The following LRP1 variants were observed in gnomAD, a reference collection of about 807,000 sequenced individuals.
LRP1 encodes prolow-density lipoprotein receptor-related protein 1.
In LRP1, 51 loss-of-function variants were observed where a neutral mutation model predicts 541.5. That is an observed-to-expected ratio of 0.09 (90% CI 0.08 to 0.12). The LOEUF (loss-of-function observed/expected upper bound fraction) is 0.12. Among genes scored for constraint, LRP1 ranks in the 10% least tolerant of loss-of-function variants. LRP1 has a pLI of 1.00. For synonymous variants in LRP1, 2,219 were observed against 2,470.8 expected, an observed-to-expected ratio of 0.90 and a Z score of 3.02; for missense variants, 3,878 against 6,376.2, an observed-to-expected ratio of 0.61 and a Z score of 13.34.
chr12:57,176,135 G>T lies in LRP1; in HGVS notation c.3991+29G>T, dbSNP rs775347756. 8 of 1,611,540 alleles carry T rather than the reference G, an allele frequency of 5.0e-6. 1 individual carries two copies. The South Asian group carries it at 8.8e-5, about 18-fold the overall frequency. On this transcript the variant is annotated intron_variant, in intron 24 of 88. Coordinates refer to ENST00000243077, the MANE Select transcript of LRP1 (RefSeq NM_002332.3). ...ACCACCGATTGCTGCCAGGCAGGAT[G>T]CACACAGGCGGAGCGCTCAGGCGCT...
At chr12:57,182,544 G>A (rs1215824361) in intron 34 of LRP1, among the ~76,000 whole-genome samples, 1 of 148,802 alleles carries the variant, frequency 6.7e-6, no homozygotes, top group East Asian at 2.0e-4. Flanking sequence ...AGAGCCAGGT[G>A]CGTGGCTCAT....
rs1265706424 is a variant in LRP1 at position 57,195,696 on chromosome 12, C to G, written c.8476C>G (p.Gln2826Glu). 2 of 1,614,014 alleles carry G rather than the reference C, an allele frequency of 1.2e-6. No individual in the cohort carries two copies. The highest frequency in any genetic ancestry group is 2.7e-5 in the African/African-American group (2 of 74,910). ...STCDDREFMCQNRQCIPKHFV... is the reference protein window; with the variant it reads ...STCDDREFMCENRQCIPKHFV... ...TTGTGACGACCGTGAGTTCATGTGC[C>G]AGAACCGCCAGTGCATCCCCAAGCA... Residue 2826 changes from glutamine to glutamate, a missense_variant, in exon 53 of 89, where the codon CAG (glutamine) becomes GAG (glutamate). Gln to Glu is a conservative substitution (Grantham distance 29, BLOSUM62 2). Around this residue, in one of 13 missense-constraint regions of LRP1, gnomAD observed 1,100 missense variants for 1,827.4 expected, o/e 0.60. Coordinates refer to ENST00000243077, the MANE Select transcript of LRP1 (RefSeq NM_002332.3).
chr12:57,171,820 G>GCTC (rs1052028706), intron 20 of LRP1, among the ~76,000 whole-genome samples: 2 of 152,116 alleles, frequency 1.3e-5, no homozygotes, highest in Non-Finnish European at 2.9e-5. Flanking sequence ...ACCAGGCAGT[G>GCTC]CTCCTGCTCC....
intron 22 of LRP1, 62 bp from the exon 23 acceptor site, chr12:57,175,398 C>T (rs1014445190): frequency 5.8e-5 from 92 of 1,598,980 alleles, no homozygotes; most frequent in South Asian, 3.9e-4. Context: ...CCAGCAGGGC[C>T]GTGGTCTTGC....
Position 57,184,558 on chromosome 12 carries a change from A to T in LRP1, c.6186+106A>T. 1 of 1,486,494 alleles carries T rather than the reference A, an allele frequency of 6.7e-7. No homozygotes were observed. The highest frequency in any genetic ancestry group is 1.3e-5 in the South Asian group (1 of 77,696). 92.1% of individuals were successfully genotyped at this position (1,486,494 alleles called of 1,614,324 possible). A position where few individuals can be genotyped will look rare whatever the true frequency, so the allele number is the denominator to read the frequency against. On this transcript the variant is annotated intron_variant, in intron 38 of 88. Transcript: ENST00000243077. The surrounding 1 kb of genome is among the most constrained non-coding windows in gnomAD (Gnocchi z 7.8). ...GAGGACTTGGAGCCCAGGGGAAGTC[A>T]CAGGGTCTCCCAGCCCAGCCCTCCA... is the stretch of plus-strand genomic sequence containing the variant.
chr12:57,165,684 A>C lies in LRP1; in HGVS notation c.2531-121A>C. 1.0e-6 allele frequency: 1 copy of C among 981,170 alleles called. No homozygotes were observed. Among genetic ancestry groups the C allele is most frequent in the Non-Finnish European group, 1.5e-6 (1 of 669,076 alleles). The allele number at this position is 981,170 out of a possible 1,614,324, so 60.8% of individuals were successfully genotyped here. On this transcript the variant is annotated intron_variant, in intron 15 of 88. Coordinates refer to ENST00000243077, the MANE Select transcript of LRP1 (RefSeq NM_002332.3). This position sits in a 1 kb window ranked among gnomAD's most constrained non-coding sequence, Gnocchi z 4.5. The stretch of plus-strand genomic sequence containing the variant: ...TTTGTTTCATGAGGAATTTTGTACT[A>C]GAAAAAATTACTTTGTATTATTAAA...
At position 57,180,449 on chromosome 12, in the gene LRP1, C is replaced by T. The variant is rs2036140647; in HGVS notation, c.5356C>T (p.Leu1786=). Residue 1786 remains leucine, a synonymous_variant, in exon 32 of 89, where the codon CTG becomes TTG. Coordinates refer to ENST00000243077, the MANE Select transcript of LRP1 (RefSeq NM_002332.3). The stretch of plus-strand genomic sequence containing the variant: ...GGTCATCGATGCCATGCGGAGCCAG[C>T]TGGGCAAGGCCACCGCCCTGGCCAT... ...LEVIDAMRSQ[L]GKATALAIMG... is the part of the protein sequence containing the mutation. 1 of 1,613,990 alleles carries T rather than the reference C, an allele frequency of 6.2e-7. No homozygotes were observed.
chr12:57,185,331 GC>G lies in LRP1; in HGVS notation c.6463+129del. On this transcript the variant is annotated intron_variant, in intron 40 of 88. Coordinates refer to ENST00000243077, the MANE Select transcript of LRP1 (RefSeq NM_002332.3). The surrounding 1 kb of genome is among the most constrained non-coding windows in gnomAD (Gnocchi z 4.9). ...TAGACCCATGGGGCAACTTCCGATGGCCCGAGAGACCCAGGGATGGGGAGGA... is the reference window on the plus strand; with the variant it reads ...TAGACCCATGGGGCAACTTCCGATGGCCGAGAGACCCAGGGATGGGGAGGA... 1 of 1,422,166 alleles carries G rather than the reference GC, an allele frequency of 7.0e-7. No individual in the cohort carries two copies. The highest frequency in any genetic ancestry group is 9.6e-7 in the Non-Finnish European group (1 of 1,045,800). 88.1% of individuals were successfully genotyped at this position (1,422,166 alleles called of 1,614,324 possible). A position where few individuals can be genotyped will look rare whatever the true frequency, so the allele number is the denominator to read the frequency against.
Position 57,193,160 on chromosome 12 carries a change from C to T in LRP1, c.7556-16C>T. 1.9e-6 allele frequency: 3 copies of T among 1,613,216 alleles called. No homozygotes were observed. The highest frequency in any genetic ancestry group is 2.5e-6 in the Non-Finnish European group (3 of 1,179,488). The stretch of plus-strand genomic sequence containing the variant: ...ACAGCGCTGGCTCAGAAAGCTCCCT[C>T]CACCTCCCTCCCCAGCGGTGAATTC... On this transcript the variant is annotated splice_polypyrimidine_tract_variant and intron_variant, in intron 45 of 88. Transcript: ENST00000243077.
rs7308698 is a variant in LRP1, at chr12:57,197,086, T to C, written c.8997T>C (p.Thr2999=). The change falls in exon 56 of 89, where the codon ACT becomes ACC. Residue 2999 remains threonine (T), a synonymous_variant. Transcript: ENST00000243077. The surrounding 1 kb of genome is among the most constrained non-coding windows in gnomAD (Gnocchi z 4.5). ...TFPCSQRCIN[T]HGSYKCLCVE... is the part of the protein sequence containing the mutation. The stretch of plus-strand genomic sequence containing the variant: ...CCTGCAGCCAGCGCTGCATCAACAC[T>C]CATGGCAGCTATAAGTGTCTGTGTG... 1,609,728 of 1,614,124 alleles carry C rather than the reference T, an allele frequency of 1. 802,771 individuals carry two copies. Among genetic ancestry groups the C allele is most frequent in the East Asian group, 1 (44,878 of 44,880 alleles).
Position 57,199,155 on chromosome 12 carries a change from C to T in LRP1, c.9677-57C>T, listed in dbSNP as rs1432906592. On this transcript the variant is annotated intron_variant, in intron 60 of 88. Coordinates refer to ENST00000243077, the MANE Select transcript of LRP1 (RefSeq NM_002332.3). The stretch of plus-strand genomic sequence containing the variant: ...TAGGGCTTGAGGAGGTGGAGTGGGC[C>T]GGCACCCTGTCCGAGCTCCGGCTGA... 5.8e-6 allele frequency: 9 copies of T among 1,553,468 alleles called. No individual in the cohort carries two copies. In the East Asian group the frequency reaches 1.1e-4, roughly 19 times the overall value.
At chr12:57,142,241 G>A (rs2035308397) in intron 3 of LRP1, among the ~76,000 whole-genome samples, 1 of 152,244 alleles carries the variant, frequency 6.6e-6, no homozygotes, top group East Asian at 1.9e-4. Flanking sequence ...CTGCGTGTTA[G>A]GGAATAGTGG....
chr12:57,188,952 G>A (rs751161538), intron 42 of LRP1, among the ~76,000 whole-genome samples: 1 of 152,206 alleles, frequency 6.6e-6, no homozygotes, highest in Admixed American at 6.5e-5. Flanking sequence ...GCCACAAGGA[G>A]CAGGCACTTT....
intron 17 of LRP1, among the ~76,000 whole-genome samples, chr12:57,166,643 C>A (rs2035846399): frequency 6.6e-6 from 1 of 152,146 alleles, no homozygotes; most frequent in Non-Finnish European, 1.5e-5. Flanking sequence ...ATCCCCTTCC[C>A]AGCCTGGGAA....
chr12:57,205,826 T>G lies in LRP1; in HGVS notation c.11590+149T>G. 12 of 1,244,912 alleles carry G rather than the reference T, an allele frequency of 9.6e-6. No homozygotes were observed. The highest frequency in any genetic ancestry group is 1.3e-5 in the Non-Finnish European group (12 of 914,604). The allele number at this position is 1,244,912 out of a possible 1,614,324, so 77.1% of individuals were successfully genotyped here. On this transcript the variant is annotated intron_variant, in intron 75 of 88. Coordinates refer to ENST00000243077, the MANE Select transcript of LRP1 (RefSeq NM_002332.3). The surrounding 1 kb of genome is among the most constrained non-coding windows in gnomAD (Gnocchi z 4.6). Reference sequence around the variant, plus strand: ...CATAGTTGCAGCTGCCTGAGCACAGTGCTGGCCCAGCAGTGGGGGCAGGTC... The same window carrying G: ...CATAGTTGCAGCTGCCTGAGCACAGGGCTGGCCCAGCAGTGGGGGCAGGTC...
In LRP1 at chr12:57,198,533, G is replaced by T. The variant is rs763130531; in HGVS notation, c.9539G>T (p.Arg3180Leu). 5 of 1,613,996 alleles carry T rather than the reference G, an allele frequency of 3.1e-6. No homozygotes were observed. The highest frequency in any genetic ancestry group is 4.2e-6 in the Non-Finnish European group (5 of 1,179,988). The change falls in exon 60 of 89, where the codon CGC (arginine) becomes CTC (leucine). Residue 3180 changes from arginine (R) to leucine (L), a missense_variant. Physicochemically the swap from Arg to Leu is moderately radical, Grantham distance 102 (BLOSUM62 -2). Around this residue, in one of 13 missense-constraint regions of LRP1, gnomAD observed 1,100 missense variants for 1,827.4 expected, o/e 0.60. Coordinates refer to ENST00000243077, the MANE Select transcript of LRP1 (RefSeq NM_002332.3). ...IGRIGMDGSS[R>L]SVIVDTKITW... Reference sequence around the variant, plus strand: ...CGCATCGGCATGGATGGGTCCAGCCGCAGCGTCATCGTGGACACCAAGATC... The same window carrying T: ...CGCATCGGCATGGATGGGTCCAGCCTCAGCGTCATCGTGGACACCAAGATC...
rs2035986315 is a variant in LRP1, at chr12:57,173,617, T to A, written c.3347-163T>A. On this transcript the variant is annotated intron_variant, in intron 21 of 88. Coordinates refer to ENST00000243077, the MANE Select transcript of LRP1 (RefSeq NM_002332.3). The surrounding 1 kb of genome is among the most constrained non-coding windows in gnomAD (Gnocchi z 4.7). ...CCTCCTGCTGCAGATTCCTGCCTTG[T>A]TTGTTGCCTATGTGAATTTGACCCA... is the stretch of plus-strand genomic sequence containing the variant. Among the ~76,000 whole-genome samples, 1 of 152,158 alleles carries A rather than the reference T, an allele frequency of 6.6e-6. No individual in the cohort carries two copies. Among genetic ancestry groups the A allele is most frequent in the Non-Finnish European group, 1.5e-5 (1 of 68,014 alleles).
At position 57,202,883 on chromosome 12, in the gene LRP1, C is replaced by T. The variant is rs1416911875; in HGVS notation, c.10712-298C>T. On this transcript the variant is annotated intron_variant, in intron 68 of 88. Transcript: ENST00000243077. ...ATTGACCTCTCCCCAAACCCTGGTG[C>T]TTGTCTCAGTGGTCTTGCCCCCGCT... 1.2e-5 allele frequency: 7 copies of T among 567,236 alleles called. No homozygotes were observed. In the East Asian group the frequency reaches 2.0e-4, roughly 16 times the overall value. The allele number at this position is 567,236 out of a possible 1,614,324, so 35.1% of individuals were successfully genotyped here.
chr12:57,171,423 A>C (rs1175586234), intron 20 of LRP1, among the ~76,000 whole-genome samples: 1 of 152,058 alleles, frequency 6.6e-6, no homozygotes, highest in African/African-American at 2.4e-5. Context: ...GAAACTGAGC[A>C]CTTCCGTAGG....
Sources: allele counts gnomAD v4.1 joint callset (sites outside exome capture counted in the v4.1 genomes callset), GRCh38; gene constraint gnomAD v4.1.1; regional missense constraint gnomAD v4.1.1; non-coding constraint Gnocchi (gnomAD v3.1); transcripts MANE v1.5; gene names NCBI Gene and HGNC (gene_info 2026-07-23, HGNC 2026-07-21).